Variants in GRID2 observed in about 807,000 individuals in gnomAD.
GRID2 encodes glutamate ionotropic receptor delta type subunit 2, also known as glutamate receptor ionotropic, delta-2.
Under a neutral mutation model 114.8 loss-of-function variants are expected in GRID2, and 33 were observed. The observed-to-expected ratio is 0.29, with a 90% CI of 0.22 to 0.38. The LOEUF is 0.38. Ranked by LOEUF, GRID2 falls within the 10% of genes least tolerant of loss-of-function variation. The pLI is 1.00. For missense variants in GRID2, 1,184 were observed against 1,257.7 expected, an observed-to-expected ratio of 0.94 and a Z score of 0.89; for synonymous variants, 505 against 449.9, an observed-to-expected ratio of 1.12 and a Z score of -1.55.
At chr4:93,032,967 T>C (rs555118228) in intron 2 of GRID2, among the ~76,000 whole-genome samples, 1 of 152,362 alleles carries the variant, frequency 6.6e-6, no homozygotes, top group South Asian at 2.1e-4. Context: ...TAAAGTGTGA[T>C]GTTGCTGTTA....
intron 4 of GRID2, among the ~76,000 whole-genome samples, chr4:93,195,744 A>C (rs1461842883): frequency 2.6e-5 from 4 of 152,186 alleles, no homozygotes; most frequent in Non-Finnish European, 5.9e-5. Flanking sequence ...TGTGTGTTCC[A>C]TTTCTAGGAA....
At chr4:93,318,614 C>T (rs1330875221) in intron 8 of GRID2, 2 of 151,966 alleles carry the variant, frequency 1.3e-5, no homozygotes, top group Non-Finnish European at 2.9e-5. Flanking sequence ...GGAATGATCA[C>T]ATAGTATCTT....
intron 1 of GRID2, among the ~76,000 whole-genome samples, chr4:92,476,211 G>A (rs1579432254): frequency 6.6e-6 from 1 of 151,910 alleles, no homozygotes; most frequent in African/African-American, 2.4e-5. Flanking sequence ...ACTTTTAGTA[G>A]AGACCGGGTT....
chr4:93,144,909 A>C (rs2149389957), intron 4 of GRID2, among the ~76,000 whole-genome samples: 1 of 152,268 alleles, frequency 6.6e-6, no homozygotes, highest in East Asian at 1.9e-4. Flanking sequence ...GTATCAGGGA[A>C]CAGTGGGATC....
Position 92,439,670 on chromosome 4 carries a change from G to A in GRID2, c.88+134926G>A, listed in dbSNP as rs902934949. On this transcript the variant is annotated intron_variant, in intron 1 of 15. Coordinates refer to ENST00000282020, the MANE Select transcript of GRID2 (RefSeq NM_001510.4). ...GGTGATGGCCTGGATACGGTTTTGT[G>A]CGAATTGAAAAACTAAATGGAATAA... Among the ~76,000 whole-genome samples the A allele has an allele frequency of 4.1e-5, 6 of 144,968 alleles. 2 individuals carry two copies. Among genetic ancestry groups the A allele is most frequent in the Non-Finnish European group, 9.3e-5 (6 of 64,374 alleles).
chr4:92,327,820 C>G (rs371350744), intron 1 of GRID2, among the ~76,000 whole-genome samples: 1 of 151,508 alleles, frequency 6.6e-6, no homozygotes, highest in Non-Finnish European at 1.5e-5. Context: ...GTTCCCCTCA[C>G]GTAGAGAATA....
At chr4:92,607,517 A>G (rs1307591402) in intron 2 of GRID2, among the ~76,000 whole-genome samples, 1 of 151,872 alleles carries the variant, frequency 6.6e-6, no homozygotes, top group Non-Finnish European at 1.5e-5. Context: ...TTCATAGCCA[A>G]GATTTTCTTT....
intron 2 of GRID2, among the ~76,000 whole-genome samples, chr4:92,945,189 A>T (rs1447946001): frequency 1.3e-5 from 2 of 152,178 alleles, no homozygotes; most frequent in African/African-American, 4.8e-5. Flanking sequence ...TGTAAGATTT[A>T]ATCTTGAATC....
At chr4:92,965,924 C>T (rs966971351) in intron 2 of GRID2, among the ~76,000 whole-genome samples, 1 of 151,778 alleles carries the variant, frequency 6.6e-6, no homozygotes, top group African/African-American at 2.4e-5. Flanking sequence ...GTCTTCTGAC[C>T]AAATTCTTGT....
chr4:93,047,614 A>G (rs1726275976), intron 2 of GRID2, among the ~76,000 whole-genome samples: 1 of 152,100 alleles, frequency 6.6e-6, no homozygotes, highest in South Asian at 2.1e-4. Context: ...ATACCTCAAA[A>G]ATCAGAATTA....
intron 2 of GRID2, among the ~76,000 whole-genome samples, chr4:93,037,358 G>C (rs1578813674): frequency 6.6e-6 from 1 of 152,156 alleles, no homozygotes; most frequent in South Asian, 2.1e-4. Context: ...CAGATGGATA[G>C]AGTGCTAAAA....
intron 12 of GRID2, among the ~76,000 whole-genome samples, chr4:93,499,949 T>C (rs1256555974): frequency 1.3e-5 from 2 of 152,008 alleles, no homozygotes; most frequent in Non-Finnish European, 2.9e-5. Context: ...GAACATATTG[T>C]ATGCTAATTA....
At chr4:93,008,106 T>G (rs1295297926) in intron 2 of GRID2, among the ~76,000 whole-genome samples, 1 of 151,758 alleles carries the variant, frequency 6.6e-6, no homozygotes, top group Admixed American at 6.6e-5. Context: ...GCTCAATTAG[T>G]AGCCTAAATA....
chr4:92,417,557 G>A (rs535692038), intron 1 of GRID2, among the ~76,000 whole-genome samples: 37 of 152,134 alleles, frequency 2.4e-4, no homozygotes, highest in South Asian at 8.3e-4. Flanking sequence ...CAATATCATC[G>A]CTATTCAACA....
At chr4:93,182,544 T>C (rs932872106) in intron 4 of GRID2, among the ~76,000 whole-genome samples, 18 of 152,216 alleles carry the variant, frequency 1.2e-4, no homozygotes, top group Non-Finnish European at 2.5e-4. Flanking sequence ...ACTTCAGTTA[T>C]GTAGAAATAG....
chr4:93,190,954 A>G (rs1319483907), intron 4 of GRID2, among the ~76,000 whole-genome samples: 1 of 152,036 alleles, frequency 6.6e-6, no homozygotes, highest in African/African-American at 2.4e-5. Context: ...GGCTTACAGT[A>G]GATAATCTAC....
At chr4:93,602,641 G>T (rs1739802415) in intron 13 of GRID2, among the ~76,000 whole-genome samples, 1 of 152,196 alleles carries the variant, frequency 6.6e-6, no homozygotes, top group African/African-American at 2.4e-5. Flanking sequence ...TGTTCTGGCT[G>T]CTTCACCGAC....
chr4:93,800,402 C>A (rs935325431), intron 1 of GRID2, among the ~76,000 whole-genome samples: 1 of 152,038 alleles, frequency 6.6e-6, no homozygotes, highest in African/African-American at 2.4e-5. Context: ...AAGTTTGGAT[C>A]GAACAATTTG....
intron 1 of GRID2, among the ~76,000 whole-genome samples, chr4:92,543,728 G>A (rs888887130): frequency 1.1e-4 from 16 of 152,120 alleles, no homozygotes; most frequent in South Asian, 4.1e-4. Flanking sequence ...TTTTAGTGCA[G>A]GTTAACATTT....
Sources: allele counts gnomAD v4.1 joint callset (sites outside exome capture counted in the v4.1 genomes callset), GRCh38; gene constraint gnomAD v4.1.1; transcripts MANE v1.5; gene names NCBI Gene and HGNC (gene_info 2026-07-23, HGNC 2026-07-21).